PRRX1: variants seen among roughly 807,000 people sequenced by gnomAD.
PRRX1 encodes the protein paired related homeobox 1.
PRRX1 carries 8 observed loss-of-function variants against 24.0 expected under a neutral mutation model. The ratio of observed to expected loss-of-function variants is 0.33; its 90% CI spans 0.20 to 0.60. The LOEUF is 0.60. PRRX1 is among the 20% of genes least tolerant of loss of function. PRRX1 has a pLI of 0.82. For missense variants in PRRX1, 281 were observed against 322.4 expected (o/e 0.87, Z 0.98); for synonymous variants, 160 against 131.7 (o/e 1.22, Z -1.47).
intron 1 of PRRX1, among the ~76,000 whole-genome samples, chr1:170,694,841 G>T (rs767423057): frequency 2.4e-4 from 36 of 152,254 alleles, no homozygotes; most frequent in Non-Finnish European, 4.4e-4. Context: ...AAAATTAAAA[G>T]TATGATAACA....
chr1:170,720,371 G>A (rs1264377361), intron 2 of PRRX1, among the ~76,000 whole-genome samples: 2 of 152,212 alleles, frequency 1.3e-5, no homozygotes, highest in African/African-American at 4.8e-5. Flanking sequence ...TGGTCAGCAT[G>A]AGGATAGAAT....
chr1:170,694,334 A>C (rs541618), intron 1 of PRRX1, among the ~76,000 whole-genome samples: 2 of 151,910 alleles, frequency 1.3e-5, no homozygotes, highest in South Asian at 4.1e-4. Context: ...TTCCTTCTCC[A>C]GTATTCCTGG....
chr1:170,718,810 G>T (rs932922593), intron 1 of PRRX1, among the ~76,000 whole-genome samples: 1 of 152,158 alleles, frequency 6.6e-6, no homozygotes, highest in African/African-American at 2.4e-5. Context: ...TCCTGACTGG[G>T]CTGGGTGGGG....
intron 1 of PRRX1, among the ~76,000 whole-genome samples, chr1:170,680,128 G>T (rs780181289): frequency 6.6e-6 from 1 of 151,968 alleles, no homozygotes; most frequent in Non-Finnish European, 1.5e-5. Flanking sequence ...CCCTTTTAAG[G>T]TACGTTTCAG....
In PRRX1 at chr1:170,677,578, G is replaced by A. The variant is rs78859386; in HGVS notation, c.241+13119G>A. 4.7e-3 allele frequency among the ~76,000 whole-genome samples: 720 copies of A among 152,246 alleles called. 31 individuals are homozygous for A. The East Asian group carries it at 0.097, about 21-fold the overall frequency. On this transcript the variant is annotated intron_variant, in intron 1 of 3. Transcript: ENST00000239461. ...AGTGCCATTGAAATTAGGAATATTT[G>A]CATATTCCAAAAGCCATACTCTTAC... is the stretch of plus-strand genomic sequence containing the variant.
Position 170,684,087 on chromosome 1 carries a change from C to T in PRRX1, c.241+19628C>T, listed in dbSNP as rs1293949744. Among the ~76,000 whole-genome samples, 3 of 152,170 alleles carry T rather than the reference C, an allele frequency of 2.0e-5. No homozygotes were observed. In the East Asian group the frequency reaches 5.8e-4, roughly 29 times the overall value. On this transcript the variant is annotated intron_variant, in intron 1 of 3. Transcript: ENST00000239461. ...CTGGCGAGATGGATCTAAAATTGTGCCTCACATAGTTCATATTCAGCATGA... is the reference window on the plus strand; with the variant it reads ...CTGGCGAGATGGATCTAAAATTGTGTCTCACATAGTTCATATTCAGCATGA...
chr1:170,698,811 C>T (rs898908429), intron 1 of PRRX1, among the ~76,000 whole-genome samples: 7 of 152,026 alleles, frequency 4.6e-5, no homozygotes, highest in African/African-American at 9.7e-5. Context: ...TGAAGGGAGA[C>T]GAGGGCTGGA....
rs143224209 is a variant in PRRX1, at chr1:170,689,393, G to T, written c.241+24934G>T. ...AATGATATCATAGTCTGACAATTTT[G>T]AATTTACTTAATGCAAATGACAAAA... On this transcript the variant is annotated intron_variant, in intron 1 of 3. Transcript: ENST00000239461. 1.1e-3 allele frequency among the ~76,000 whole-genome samples: 168 copies of T among 152,178 alleles called. 2 individuals are homozygous for T. Among genetic ancestry groups the T allele is most frequent in the African/African-American group, 4.0e-3 (166 of 41,550 alleles).
chr1:170,664,570 G>A lies in PRRX1; in HGVS notation c.241+111G>A, dbSNP rs569921971. The stretch of plus-strand genomic sequence containing the variant: ...CCAGAAAGACAAGGTCCTGGGACCA[G>A]GAGAGGTGATGGCAGACTTCAAAGG... On this transcript the variant is annotated intron_variant, in intron 1 of 3. Transcript: ENST00000239461. 510 of 1,447,882 alleles carry A rather than the reference G, an allele frequency of 3.5e-4. 4 individuals are homozygous for A. The Middle Eastern group carries it at 3.6e-3, about 10-fold the overall frequency. The allele number at this position is 1,447,882 out of a possible 1,614,324, so 89.7% of individuals were successfully genotyped here.
intron 3 of PRRX1, chr1:170,730,574 A>C: frequency 2.0e-6 from 1 of 512,708 alleles, no homozygotes. Flanking sequence ...GTGCACAGGA[A>C]ACATCTGGGA....
chr1:170,664,340 A>G lies in PRRX1; in HGVS notation c.122A>G (p.Asp41Gly). 1 of 1,613,972 alleles carries G rather than the reference A, an allele frequency of 6.2e-7. No individual in the cohort carries two copies. Among genetic ancestry groups the G allele is most frequent in the African/African-American group, 1.3e-5 (1 of 75,036 alleles). ...KKNFSVSHLLDLEEAGDMVAA... is the reference protein window; with the variant it reads ...KKNFSVSHLLGLEEAGDMVAA... Reference sequence around the variant, plus strand: ...AACTTCTCCGTCAGTCACCTGCTAGACCTGGAGGAAGCCGGGGACATGGTG... The same window carrying G: ...AACTTCTCCGTCAGTCACCTGCTAGGCCTGGAGGAAGCCGGGGACATGGTG... Residue 41 changes from aspartate (D) to glycine (G), a missense_variant, in exon 1 of 4, where the codon GAC becomes GGC. Asp to Gly is a moderately conservative substitution (Grantham distance 94, BLOSUM62 -1). Transcript: ENST00000239461.
intron 1 of PRRX1, among the ~76,000 whole-genome samples, chr1:170,690,256 A>G (rs2101897463): frequency 6.6e-6 from 1 of 152,198 alleles, no homozygotes; most frequent in South Asian, 2.1e-4. Flanking sequence ...AGATAGACAT[A>G]TGAACCCTAA....
chr1:170,674,104 A>G (rs1289336330), intron 1 of PRRX1, among the ~76,000 whole-genome samples: 1 of 152,234 alleles, frequency 6.6e-6, no homozygotes, highest in Non-Finnish European at 1.5e-5. Flanking sequence ...TCTTTACATC[A>G]AAATTGAATT....
chr1:170,675,885 G>A (rs574714441), intron 1 of PRRX1, among the ~76,000 whole-genome samples: 2 of 152,200 alleles, frequency 1.3e-5, no homozygotes, highest in South Asian at 2.1e-4. Context: ...TTCTCCTCAT[G>A]AGAAAGGGAG....
intron 1 of PRRX1, chr1:170,669,425 C>CAAGAAAAA (rs1653064157): frequency 4.5e-5 from 1 of 22,298 alleles, no homozygotes; most frequent in Non-Finnish European, 6.9e-5. Flanking sequence ...CTCCCCACTG[C>CAAGAAAAA]AAAAAAAAAA....
At chr1:170,668,097 C>G (rs986346467) in intron 1 of PRRX1, 8 of 152,162 alleles carry the variant, frequency 5.3e-5, no homozygotes, top group Admixed American at 5.2e-4. Flanking sequence ...AGTAAATTCT[C>G]AACTTCTGTG....
At chr1:170,718,881 C>G (rs1009235590) in intron 1 of PRRX1, among the ~76,000 whole-genome samples, 5 of 152,160 alleles carry the variant, frequency 3.3e-5, no homozygotes, top group African/African-American at 9.7e-5. Context: ...AATTATCTCA[C>G]CACGCTACCT....
At chr1:170,727,524 A>G (rs1266476989) in intron 3 of PRRX1, 1 of 152,232 alleles carries the variant, frequency 6.6e-6, no homozygotes, top group Non-Finnish European at 1.5e-5. Flanking sequence ...TATGTCTCAG[A>G]TGAAGTTGAA....
chr1:170,703,746 A>T (rs1001289785), intron 1 of PRRX1, among the ~76,000 whole-genome samples: 1 of 152,202 alleles, frequency 6.6e-6, no homozygotes, highest in African/African-American at 2.4e-5. Flanking sequence ...CTCAGGCAAG[A>T]TGAGTGAGTT....
Sources: allele counts gnomAD v4.1 joint callset (sites outside exome capture counted in the v4.1 genomes callset), GRCh38; gene constraint gnomAD v4.1.1; transcripts MANE v1.5; gene names NCBI Gene and HGNC (gene_info 2026-07-23, HGNC 2026-07-21).